Variants in ASXL3 observed in about 807,000 individuals in gnomAD.
ASXL3 encodes the protein putative Polycomb group protein ASXL3.
ASXL3 carries 34 observed loss-of-function variants against 170.6 expected under a neutral mutation model. That is an observed-to-expected ratio of 0.20 (90% confidence interval 0.15 to 0.27). The LOEUF is 0.27. ASXL3 is among the 10% of genes least tolerant of loss of function. The probability of loss-of-function intolerance (pLI) is 1.00; values close to 1 mark genes in which losing one functional copy is unlikely to be tolerated. For synonymous variants in ASXL3, 1,002 were observed against 989.1 expected, an observed-to-expected ratio of 1.01 and a Z score of -0.24; for missense variants, 2,592 against 2,695.3, an observed-to-expected ratio of 0.96 and a Z score of 0.85.
At chr18:33,587,711 C>A (rs1234373043) in intron 1 of ASXL3, among the ~76,000 whole-genome samples, 2 of 150,580 alleles carry the variant, frequency 1.3e-5, no homozygotes, top group Non-Finnish European at 3.0e-5. Context: ...AGATTGGGTA[C>A]AAAAATAATT....
intron 8 of ASXL3, among the ~76,000 whole-genome samples, chr18:33,731,414 C>A (rs186862438): frequency 6.6e-6 from 1 of 152,222 alleles, no homozygotes; most frequent in East Asian, 1.9e-4. Context: ...TCATTATGTT[C>A]TGCTTCTACA....
At chr18:33,738,235 G>A (rs1162248817) in intron 10 of ASXL3, among the ~76,000 whole-genome samples, 1 of 151,930 alleles carries the variant, frequency 6.6e-6, no homozygotes, top group Non-Finnish European at 1.5e-5. Context: ...CACTTGGTAA[G>A]GCTCCTATCT....
chr18:33,717,882 C>T (rs73955190), intron 8 of ASXL3, among the ~76,000 whole-genome samples: 2,893 of 152,104 alleles, frequency 0.019, 83 homozygotes, highest in African/African-American at 0.066. Flanking sequence ...AATAAGAAGC[C>T]ATAAATTGTC....
chr18:33,655,877 A>G (rs2066075624), intron 4 of ASXL3, among the ~76,000 whole-genome samples: 1 of 152,060 alleles, frequency 6.6e-6, no homozygotes, highest in Admixed American at 6.6e-5. Flanking sequence ...AAACAAATTT[A>G]TTATTGTTAA....
intron 7 of ASXL3, among the ~76,000 whole-genome samples, chr18:33,675,047 G>T (rs1377201568): frequency 1.3e-5 from 2 of 152,152 alleles, no homozygotes; most frequent in Admixed American, 6.5e-5. Flanking sequence ...TTGGAACAGT[G>T]GCCTTTCTGT....
chr18:33,687,054 G>T (rs2066608432), intron 8 of ASXL3, among the ~76,000 whole-genome samples: 1 of 152,174 alleles, frequency 6.6e-6, no homozygotes, highest in Non-Finnish European at 1.5e-5. Context: ...TTCTACCCAG[G>T]ATGAATAGGA....
At chr18:33,694,693 A>G (rs1013044553) in intron 8 of ASXL3, among the ~76,000 whole-genome samples, 3 of 151,896 alleles carry the variant, frequency 2.0e-5, no homozygotes, top group Non-Finnish European at 2.9e-5. Flanking sequence ...TGTGTTGTCT[A>G]TGGTCTGTTA....
chr18:33,725,635 G>C (rs1292266790), intron 8 of ASXL3, among the ~76,000 whole-genome samples: 2 of 152,066 alleles, frequency 1.3e-5, no homozygotes, highest in Non-Finnish European at 2.9e-5. Context: ...TGAGCATCTT[G>C]CCCTATTCTC....
At chr18:33,671,955 A>G in intron 7 of ASXL3, 89 bp downstream of exon 7, 1 of 1,290,624 alleles carries the variant, frequency 7.7e-7, no homozygotes, top group Non-Finnish European at 1.0e-6. Flanking sequence ...ACATTTTTTA[A>G]TGATTAAACA....
Position 33,745,496 on chromosome 18 carries a change from C to T in ASXL3, c.5648C>T (p.Ser1883Phe). The change falls in exon 12 of 12, where the codon TCC becomes TTC. Residue 1883 changes from serine (S) to phenylalanine (F), a missense_variant. Ser to Phe is a radical substitution (Grantham distance 155, BLOSUM62 -2). Transcript: ENST00000269197. ...PFKQEWLNKH[S>F]MQNRIVHSPE... ...AAGCAAGAATGGCTAAACAAGCACT[C>T]CATGCAGAACAGAATTGTTCACAGC... 6.2e-7 allele frequency: 1 copy of T among 1,614,026 alleles called. No homozygotes were observed.
At chr18:33,706,434 T>G (rs1168576601) in intron 8 of ASXL3, among the ~76,000 whole-genome samples, 1 of 151,862 alleles carries the variant, frequency 6.6e-6, no homozygotes, top group Non-Finnish European at 1.5e-5. Flanking sequence ...TTAAACTATC[T>G]TAAATACTTT....
chr18:33,603,773 G>A (rs2145117412), intron 1 of ASXL3, among the ~76,000 whole-genome samples: 1 of 152,192 alleles, frequency 6.6e-6, no homozygotes, highest in East Asian at 1.9e-4. Flanking sequence ...CAGTCCATGA[G>A]AGATGCAAGA....
In ASXL3 at chr18:33,590,922, C is replaced by G. The variant is rs146473833; in HGVS notation, c.54+12237C>G. ...AAATATACATTTCTTCGTGAAGCTT[C>G]CAGGTACCTTCTGGATGAAAGTAAA... On this transcript the variant is annotated intron_variant, in intron 1 of 11. Transcript: ENST00000269197. Among the ~76,000 whole-genome samples the G allele has an allele frequency of 3.9e-5, 6 of 152,288 alleles. No homozygotes were observed. The East Asian group carries it at 1.2e-3, about 29-fold the overall frequency.
intron 2 of ASXL3, among the ~76,000 whole-genome samples, chr18:33,620,173 T>C (rs891732795): frequency 3.9e-5 from 6 of 152,186 alleles, no homozygotes; most frequent in Non-Finnish European, 8.8e-5. Context: ...AGGGCATGTT[T>C]CAGGCCACTG....
intron 8 of ASXL3, among the ~76,000 whole-genome samples, chr18:33,719,483 G>T (rs555276821): frequency 6.6e-6 from 1 of 152,118 alleles, no homozygotes; most frequent in East Asian, 1.9e-4. Flanking sequence ...TTCAGTGGAA[G>T]AATGAATGCC....
At position 33,744,032 on chromosome 18, in the gene ASXL3, T is replaced by C; in HGVS notation, c.4184T>C (p.Leu1395Pro). 1 of 1,614,036 alleles carries C rather than the reference T, an allele frequency of 6.2e-7. No individual in the cohort carries two copies. The highest frequency in any genetic ancestry group is 8.5e-7 in the Non-Finnish European group (1 of 1,179,900). ...ATGGGTACCACTGTGAGAGCAGCCC[T>C]CAGCTGCAGTGATTCTGTAGCGGTC... ...VSMGTTVRAA[L>P]SCSDSVAVTD... is the part of the protein sequence containing the mutation. The change falls in exon 12 of 12, where the codon CTC becomes CCC. Residue 1395 changes from leucine to proline, a missense_variant. Physicochemically the swap from Leu to Pro is moderately conservative, Grantham distance 98 (BLOSUM62 -3). Coordinates refer to ENST00000269197, the MANE Select transcript of ASXL3 (RefSeq NM_030632.3).
intron 8 of ASXL3, among the ~76,000 whole-genome samples, chr18:33,719,170 C>T (rs1344258720): frequency 2.0e-5 from 3 of 152,078 alleles, no homozygotes; most frequent in Non-Finnish European, 4.4e-5. Context: ...AGTCCTTCAG[C>T]TACCACACTC....
chr18:33,613,884 C>A (rs1024280896), intron 2 of ASXL3, among the ~76,000 whole-genome samples: 1 of 152,032 alleles, frequency 6.6e-6, no homozygotes. Flanking sequence ...GAGATGGTGC[C>A]GCTCCACTCC....
At chr18:33,602,021 C>T (rs1188707314) in intron 1 of ASXL3, among the ~76,000 whole-genome samples, 2 of 151,642 alleles carry the variant, frequency 1.3e-5, no homozygotes, top group Non-Finnish European at 2.9e-5. Context: ...AGGTTGGTCT[C>T]GAACTCCTGG....
Sources: allele counts gnomAD v4.1 joint callset (sites outside exome capture counted in the v4.1 genomes callset), GRCh38; gene constraint gnomAD v4.1.1; transcripts MANE v1.5; gene names NCBI Gene and HGNC (gene_info 2026-07-23, HGNC 2026-07-21).